Variants in PDE1C observed in about 807,000 individuals in gnomAD.
PDE1C encodes the protein phosphodiesterase 1C.
In PDE1C, 62 loss-of-function variants were observed where a neutral mutation model predicts 93.1. That is an observed-to-expected ratio of 0.67 (90% confidence interval 0.54 to 0.82). PDE1C has a LOEUF of 0.82. Among genes scored for constraint, PDE1C ranks in the 40% least tolerant of loss-of-function variants. The pLI, the probability that PDE1C is intolerant of heterozygous loss-of-function variation, is 0.00. For synonymous variants in PDE1C, 325 were observed against 310.1 expected (o/e 1.05, Z -0.50); for missense variants, 742 against 884.6 (o/e 0.84, Z 2.04).
intron 3 of PDE1C, 96 bp downstream of exon 3, chr7:31,880,651 T>C: frequency 5.7e-6 from 4 of 706,848 alleles, no homozygotes; most frequent in Non-Finnish European, 7.4e-6. Context: ...AATTTGAATG[T>C]CACCCCATTC....
At chr7:32,389,327 C>T (rs1219178493) in intron 1 of PDE1C, among the ~76,000 whole-genome samples, 5 of 152,136 alleles carry the variant, frequency 3.3e-5, no homozygotes, top group Non-Finnish European at 7.4e-5. Flanking sequence ...AGTGATTCTC[C>T]TGCCTCAGCC....
At chr7:32,048,912 C>T (rs1490482575) in intron 2 of PDE1C, among the ~76,000 whole-genome samples, 2 of 152,102 alleles carry the variant, frequency 1.3e-5, no homozygotes, top group Non-Finnish European at 2.9e-5. Flanking sequence ...AAAAAGGCAA[C>T]AGCATTCACG....
chr7:31,644,819 GC>G, the PDE1C span, among the ~76,000 whole-genome samples: 3 of 152,194 alleles, frequency 2.0e-5, no homozygotes, highest in Non-Finnish European at 2.9e-5. Context: ...AGGTGAAGGG[GC>G]TGGCACAGAG....
chr7:31,887,665 A>T (rs1441909807), intron 2 of PDE1C, among the ~76,000 whole-genome samples: 1 of 152,228 alleles, frequency 6.6e-6, no homozygotes, highest in African/African-American at 2.4e-5. Context: ...TTTCAAGTGT[A>T]CATGTAATAG....
intron 1 of PDE1C, among the ~76,000 whole-genome samples, chr7:32,355,676 C>T (rs560593031): frequency 1.3e-5 from 2 of 152,284 alleles, no homozygotes; most frequent in Non-Finnish European, 2.9e-5. Flanking sequence ...TTTTAATGTG[C>T]CATATCATAG....
chr7:31,882,883 A>G (rs1367176570), intron 2 of PDE1C, among the ~76,000 whole-genome samples: 1 of 152,226 alleles, frequency 6.6e-6, no homozygotes, highest in African/African-American at 2.4e-5. Flanking sequence ...CTTTAATTGA[A>G]TAAGTTTTCC....
intron 2 of PDE1C, among the ~76,000 whole-genome samples, chr7:31,934,924 G>C (rs914498926): frequency 6.6e-6 from 1 of 152,106 alleles, no homozygotes; most frequent in South Asian, 2.1e-4. Flanking sequence ...TTCATGGGGA[G>C]AAAATGGAAG....
At chr7:32,086,560 C>A (rs1185994450) in intron 3 of PDE1C, among the ~76,000 whole-genome samples, 2 of 151,772 alleles carry the variant, frequency 1.3e-5, no homozygotes, top group Non-Finnish European at 2.9e-5. Context: ...AATCCTAAGC[C>A]AAAAGAACAA....
At chr7:32,040,465 T>C (rs1356204646) in intron 2 of PDE1C, among the ~76,000 whole-genome samples, 3 of 152,246 alleles carry the variant, frequency 2.0e-5, no homozygotes, top group Middle Eastern at 3.4e-3. Context: ...CCAAAAACTG[T>C]CTGTAGACAT....
chr7:31,744,892 G>A, the PDE1C span, among the ~76,000 whole-genome samples: 1 of 152,196 alleles, frequency 6.6e-6, no homozygotes, highest in African/African-American at 2.4e-5. Flanking sequence ...TTAAAGGTAA[G>A]GCTCTAAGGG....
chr7:32,152,804 AAAATGACT>A (rs1334839775), intron 3 of PDE1C, among the ~76,000 whole-genome samples: 1 of 152,236 alleles, frequency 6.6e-6, no homozygotes. Flanking sequence ...GCAACATGGC[AAAATGACT>A]AAGGTAAAAT....
rs538533188 is a variant in PDE1C at position 32,089,524 on chromosome 7, G to C, written c.308+80261C>G. ...AGCTTTAAAGATTTGAGAATGAGGA[G>C]ACAAAGCAGAGAGGAAACCACTAGT... On this transcript the variant is annotated intron_variant, in intron 3 of 18. Coordinates refer to the PDE1C transcript ENST00000396193. Among the ~76,000 whole-genome samples the C allele has an allele frequency of 5.3e-5, 8 of 152,294 alleles. No individual in the cohort carries two copies. The South Asian group carries it at 1.7e-3, about 32-fold the overall frequency.
chr7:32,056,605 G>A (rs552466411), intron 1 of PDE1C, among the ~76,000 whole-genome samples: 3 of 152,212 alleles, frequency 2.0e-5, no homozygotes, highest in South Asian at 2.1e-4. Context: ...TGCTTTACGG[G>A]GTGATGTGAG....
At chr7:31,649,617 G>A in the PDE1C span, among the ~76,000 whole-genome samples, 669 of 152,318 alleles carry the variant, frequency 4.4e-3, 9 homozygotes, top group Middle Eastern at 6.8e-3. Flanking sequence ...ATTTTGGGAA[G>A]GGGTCCAAGC....
the PDE1C span, among the ~76,000 whole-genome samples, chr7:31,650,079 T>C: frequency 6.6e-6 from 1 of 152,198 alleles, no homozygotes; most frequent in Non-Finnish European, 1.5e-5. Flanking sequence ...GATTCTGCCC[T>C]CCTAGAGACC....
At chr7:32,175,971 A>C (rs1802958459) in intron 2 of PDE1C, among the ~76,000 whole-genome samples, 1 of 152,216 alleles carries the variant, frequency 6.6e-6, no homozygotes, top group South Asian at 2.1e-4. Context: ...AGCACACCTG[A>C]TGGATTTACA....
intron 1 of PDE1C, among the ~76,000 whole-genome samples, chr7:32,417,670 TAAA>T (rs200338870): frequency 8.9e-6 from 1 of 112,400 alleles, no homozygotes; most frequent in African/African-American, 3.0e-5. Flanking sequence ...CCCAATTTAG[TAAA>T]AAAAAAAAAA....
the PDE1C span, among the ~76,000 whole-genome samples, chr7:31,742,293 C>A: frequency 9.8e-5 from 15 of 152,350 alleles, no homozygotes; most frequent in African/African-American, 3.4e-4. Flanking sequence ...AACTCAGAAG[C>A]CAACACTTTC....
At chr7:32,274,086 G>T (rs539601557) in intron 1 of PDE1C, among the ~76,000 whole-genome samples, 1 of 151,896 alleles carries the variant, frequency 6.6e-6, no homozygotes, top group East Asian at 1.9e-4. Flanking sequence ...GAACTAGAAG[G>T]GGTCTTAGAA....
Sources: gnomAD v4.1 joint callset for allele counts (sites outside exome capture counted in the v4.1 genomes callset) on GRCh38, gnomAD v4.1.1 for gene constraint, MANE v1.5 for transcripts, NCBI Gene and HGNC (gene_info 2026-07-23, HGNC 2026-07-21) for gene names.